The following MAP2K5 variants were observed in gnomAD, a reference collection of about 807,000 sequenced individuals.
MAP2K5 encodes the protein dual specificity mitogen-activated protein kinase kinase 5.
A neutral mutation model predicts 83.1 loss-of-function variants in MAP2K5; 49 were observed. The observed-to-expected ratio is 0.59, with a 90% CI of 0.47 to 0.75. The LOEUF (loss-of-function observed/expected upper bound fraction) is 0.75, where lower values mean the gene tolerates loss of function less well. Ranked by LOEUF, MAP2K5 falls within the 30% of genes least tolerant of loss-of-function variation. The pLI, the probability that MAP2K5 is intolerant of heterozygous loss-of-function variation, is 0.00. For missense variants in MAP2K5, 457 were observed against 557.5 expected (o/e 0.82, Z 1.82); for synonymous variants, 202 against 191.8 (o/e 1.05, Z -0.44).
intron 8 of MAP2K5, among the ~76,000 whole-genome samples, chr15:67,619,528 G>A (rs2086131860): frequency 6.6e-6 from 1 of 152,176 alleles, no homozygotes; most frequent in Non-Finnish European, 1.5e-5. Flanking sequence ...CAAGCATATA[G>A]TAATGAACAA....
rs1482957740 is a variant in MAP2K5, at chr15:67,771,700, G to T, written c.1197-1007G>T. ...ATTTATAGGGAAGGCAAATGTCCTC[G>T]ATGTCATTAATGGTTCATAACTCCG... is the stretch of plus-strand genomic sequence containing the variant. On this transcript the variant is annotated intron_variant, in intron 20 of 21. Coordinates refer to ENST00000178640, the MANE Select transcript of MAP2K5 (RefSeq NM_145160.3). Among the ~76,000 whole-genome samples, 3 of 152,160 alleles carry T rather than the reference G, an allele frequency of 2.0e-5. No individual in the cohort carries two copies. The East Asian group carries it at 5.8e-4, about 29-fold the overall frequency.
At chr15:67,592,778 T>C (rs2085441686) in intron 6 of MAP2K5, 148 bp from the exon 7 acceptor site, 1 of 639,514 alleles carries the variant, frequency 1.6e-6, no homozygotes, top group Middle Eastern at 2.6e-4. Flanking sequence ...GGCCAGTTAC[T>C]TTTGAAAAAA....
rs548645755 is a variant in MAP2K5 at position 67,768,355 on chromosome 15, A to T, written c.1135-1247A>T. Among the ~76,000 whole-genome samples the T allele has an allele frequency of 1.3e-5, 2 of 152,164 alleles. No individual in the cohort carries two copies. Among genetic ancestry groups the T allele is most frequent in the East Asian group, 3.9e-4 (2 of 5,180 alleles). On this transcript the variant is annotated intron_variant, in intron 19 of 21. Transcript: ENST00000178640. This position sits in a 1 kb window ranked among gnomAD's most constrained non-coding sequence, Gnocchi z 4.0. Reference sequence around the variant, plus strand: ...GTGCTTTTATCATCTTCTTTTTTCCACTACATCAAAGCTATTTCCTCTCGT... The same window carrying T: ...GTGCTTTTATCATCTTCTTTTTTCCTCTACATCAAAGCTATTTCCTCTCGT...
Position 67,644,475 on chromosome 15 carries a change from C to T in MAP2K5, c.586-1756C>T, listed in dbSNP as rs1425146572. 1.3e-5 allele frequency among the ~76,000 whole-genome samples: 2 copies of T among 152,004 alleles called. No homozygotes were observed. Among genetic ancestry groups the T allele is most frequent in the Non-Finnish European group, 2.9e-5 (2 of 68,002 alleles). On this transcript the variant is annotated intron_variant, in intron 9 of 21. Transcript: ENST00000178640. This position sits in a 1 kb window ranked among gnomAD's most constrained non-coding sequence, Gnocchi z 4.6. ...CTTAGTAGAATTTGAACAGTATGGTCTTCTTTCTTAAAAAAATATGTGTTT... is the reference window on the plus strand; with the variant it reads ...CTTAGTAGAATTTGAACAGTATGGTTTTCTTTCTTAAAAAAATATGTGTTT...
At position 67,749,093 on chromosome 15, in the gene MAP2K5, C is replaced by G. The variant is rs1456882079; in HGVS notation, c.1134+492C>G. Among the ~76,000 whole-genome samples the G allele has an allele frequency of 6.6e-6, 1 of 152,156 alleles. No individual in the cohort carries two copies. Among genetic ancestry groups the G allele is most frequent in the Non-Finnish European group, 1.5e-5 (1 of 68,020 alleles). On this transcript the variant is annotated intron_variant, in intron 19 of 21. Coordinates refer to ENST00000178640, the MANE Select transcript of MAP2K5 (RefSeq NM_145160.3). The surrounding 1 kb of genome is among the most constrained non-coding windows in gnomAD (Gnocchi z 4.6). ...GTTCAGCGTTAATTTCCTAATTAGG[C>G]ATTTTTCTCAGAATATGTCCCTAAC...
intron 17 of MAP2K5, among the ~76,000 whole-genome samples, chr15:67,735,426 C>T (rs2141256475): frequency 6.6e-6 from 1 of 152,344 alleles, no homozygotes; most frequent in African/African-American, 2.4e-5. Flanking sequence ...GTACCTTCTA[C>T]ACTATTGTAT....
Position 67,676,280 on chromosome 15 carries a change from G to A in MAP2K5, c.847+11635G>A, listed in dbSNP as rs984795632. On this transcript the variant is annotated intron_variant, in intron 13 of 21. Coordinates refer to ENST00000178640, the MANE Select transcript of MAP2K5 (RefSeq NM_145160.3). The surrounding 1 kb of genome is among the most constrained non-coding windows in gnomAD (Gnocchi z 4.8). ...CATTTCTGTTGGTAGAGGAGTTTAT[G>A]GCATTGATTGTATGCCAGTGGATAT... Among the ~76,000 whole-genome samples the A allele has an allele frequency of 1.3e-5, 2 of 152,148 alleles. No individual in the cohort carries two copies. Among genetic ancestry groups the A allele is most frequent in the Non-Finnish European group, 2.9e-5 (2 of 68,022 alleles).
intron 8 of MAP2K5, among the ~76,000 whole-genome samples, chr15:67,602,179 A>C (rs1359994027): frequency 2.0e-5 from 3 of 152,186 alleles, no homozygotes; most frequent in African/African-American, 7.2e-5. Flanking sequence ...GTATCTTTTC[A>C]TCTTAGTCTT....
In MAP2K5 at chr15:67,665,426, G is replaced by A. The variant is rs2087351315; in HGVS notation, c.847+781G>A. Among the ~76,000 whole-genome samples the A allele has an allele frequency of 6.6e-6, 1 of 152,108 alleles. No individual in the cohort carries two copies. The highest frequency in any genetic ancestry group is 6.6e-5 in the Admixed American group (1 of 15,264). On this transcript the variant is annotated intron_variant, in intron 13 of 21. Coordinates refer to ENST00000178640, the MANE Select transcript of MAP2K5 (RefSeq NM_145160.3). This position sits in a 1 kb window ranked among gnomAD's most constrained non-coding sequence, Gnocchi z 4.2. ...CAGTGCTGTTTAATTTTACACATCT[G>A]CTCATCTTAGCTGTATGTACATTTG...
rs192468777 is a variant in MAP2K5 at position 67,611,153 on chromosome 15, T to C, written c.545+10404T>C. Among the ~76,000 whole-genome samples, 24 of 152,290 alleles carry C rather than the reference T, an allele frequency of 1.6e-4. No individual in the cohort carries two copies. In the East Asian group the frequency reaches 4.2e-3, roughly 27 times the overall value. ...ACTTAGCCAATAAACATAAAACTTA[T>C]TAAATCATAATTAAATTTTCAGAAA... On this transcript the variant is annotated intron_variant, in intron 8 of 21. Transcript: ENST00000178640.
chr15:67,546,500 C>A, intron 1 of MAP2K5: 2 of 724,902 alleles, frequency 2.8e-6, no homozygotes, highest in Non-Finnish European at 3.4e-6. Flanking sequence ...AGACCCTGGG[C>A]AAGTCAGTCG....
At position 67,664,657 on chromosome 15, in the gene MAP2K5, G is replaced by A. The variant is rs747152165; in HGVS notation, c.847+12G>A. ...GATTTTACATAGAGGTATGTGCTGG[G>A]CTTATAAGCTTGGATTTAATTTGGG... On this transcript the variant is annotated intron_variant, in intron 13 of 21. Transcript: ENST00000178640. The A allele has an allele frequency of 1.9e-6, 3 of 1,591,736 alleles. No homozygotes were observed. The highest frequency in any genetic ancestry group is 1.7e-5 in the Admixed American group (1 of 59,232).
In MAP2K5 at chr15:67,770,560, T is replaced by C. The variant is rs2090122865; in HGVS notation, c.1196+897T>C. 6.6e-6 allele frequency among the ~76,000 whole-genome samples: 1 copy of C among 152,160 alleles called. No individual in the cohort carries two copies. The highest frequency in any genetic ancestry group is 6.5e-5 in the Admixed American group (1 of 15,272). ...ACTACGTTGGTCTTCTTTCCCTCCT[T>C]CACCAAAGTCCAGAGTCATGTCCAC... On this transcript the variant is annotated intron_variant, in intron 20 of 21. Transcript: ENST00000178640. This position sits in a 1 kb window ranked among gnomAD's most constrained non-coding sequence, Gnocchi z 5.0.
At chr15:67,603,304 T>C (rs185417565) in intron 8 of MAP2K5, among the ~76,000 whole-genome samples, 1 of 152,348 alleles carries the variant, frequency 6.6e-6, no homozygotes, top group Admixed American at 6.5e-5. Context: ...AGGGCTACTA[T>C]GTCAAAGGGA....
rs181727119 is a variant in MAP2K5, at chr15:67,552,906, A to C, written c.184+2824A>C. Reference sequence around the variant, plus strand: ...TGGACTTGTTTTGAGAGTTGTCATAATTATTGAAATCATATATTCTGGTTG... The same window carrying C: ...TGGACTTGTTTTGAGAGTTGTCATACTTATTGAAATCATATATTCTGGTTG... On this transcript the variant is annotated intron_variant, in intron 2 of 21. Transcript: ENST00000178640. The surrounding 1 kb of genome is among the most constrained non-coding windows in gnomAD (Gnocchi z 4.2). Among the ~76,000 whole-genome samples, 23 of 152,300 alleles carry C rather than the reference A, an allele frequency of 1.5e-4. No homozygotes were observed. In the East Asian group the frequency reaches 3.5e-3, roughly 23 times the overall value.
In MAP2K5 at chr15:67,563,299, T is replaced by C; in HGVS notation, c.201T>C (p.Gly67=). The C allele has an allele frequency of 6.2e-7, 1 of 1,610,962 alleles. No individual in the cohort carries two copies. The highest frequency in any genetic ancestry group is 8.5e-7 in the Non-Finnish European group (1 of 1,178,582). Residue 67 remains glycine (G), a synonymous_variant, in exon 3 of 22, where the codon GGT becomes GGC. Coordinates refer to ENST00000178640, the MANE Select transcript of MAP2K5 (RefSeq NM_145160.3). This position sits in a 1 kb window ranked among gnomAD's most constrained non-coding sequence, Gnocchi z 4.5. ...TTAFEYEDED[G]DRITVRSDEE... is the part of the protein sequence containing the mutation. The stretch of plus-strand genomic sequence containing the variant: ...TTTAAACAGATGAAGATGAAGATGG[T>C]GATCGAATTACAGTGAGAAGTGATG...
chr15:67,628,943 T>G (rs1382948008), intron 8 of MAP2K5: 2 of 760,024 alleles, frequency 2.6e-6, no homozygotes, highest in African/African-American at 3.4e-5. Flanking sequence ...TTGGAGGTGG[T>G]GGAAGCTACA....
chr15:67,716,466 T>C (rs1420365496), intron 16 of MAP2K5, among the ~76,000 whole-genome samples: 6 of 152,252 alleles, frequency 3.9e-5, no homozygotes, highest in African/African-American at 1.4e-4. Context: ...GTCTCAACAC[T>C]AAAATTCTGA....
At chr15:67,759,984 G>A (rs919051836) in intron 19 of MAP2K5, among the ~76,000 whole-genome samples, 1 of 152,202 alleles carries the variant, frequency 6.6e-6, no homozygotes, top group African/African-American at 2.4e-5. Flanking sequence ...AAAGTGTTGG[G>A]AATATATAGT....
Sources: allele counts gnomAD v4.1 joint callset (sites outside exome capture counted in the v4.1 genomes callset), GRCh38; gene constraint gnomAD v4.1.1; non-coding constraint Gnocchi (gnomAD v3.1); transcripts MANE v1.5; gene names NCBI Gene and HGNC (gene_info 2026-07-23, HGNC 2026-07-21).